The following NOS1AP variants were observed in gnomAD, a reference collection of about 807,000 sequenced individuals.
The protein encoded by NOS1AP is nitric oxide synthase 1 adaptor protein, also known as carboxyl-terminal PDZ ligand of neuronal nitric oxide synthase protein.
In NOS1AP, 21 loss-of-function variants were observed where a neutral mutation model predicts 56.2. The observed-to-expected ratio is 0.37, with a 90% CI of 0.26 to 0.54. The LOEUF (loss-of-function observed/expected upper bound fraction) is 0.54, where lower values mean the gene tolerates loss of function less well. Ranked by LOEUF, NOS1AP falls within the 20% of genes least tolerant of loss-of-function variation. The probability of loss-of-function intolerance (pLI) is 0.84; values close to 1 mark genes in which losing one functional copy is unlikely to be tolerated. For missense variants in NOS1AP, 522 were observed against 657.8 expected (o/e 0.79, Z 2.26); for synonymous variants, 270 against 274.6 (o/e 0.98, Z 0.17).
chr1:162,287,281 G>T, intron 2 of NOS1AP, 63 bp from the exon 3 acceptor site: 1 of 1,193,368 alleles, frequency 8.4e-7, no homozygotes, highest in Non-Finnish European at 1.3e-6. Context: ...GGCTAGCTGG[G>T]TCTGTATAGA....
intron 1 of NOS1AP, among the ~76,000 whole-genome samples, chr1:162,079,292 A>G (rs1424261403): frequency 1.3e-5 from 2 of 152,232 alleles, no homozygotes; most frequent in African/African-American, 4.8e-5. Context: ...ATCTGAATAT[A>G]GAACATATGG....
intron 2 of NOS1AP, among the ~76,000 whole-genome samples, chr1:162,279,391 C>T (rs1654845356): frequency 6.6e-6 from 1 of 152,206 alleles, no homozygotes; most frequent in Non-Finnish European, 1.5e-5. Context: ...GCCTTCCATG[C>T]CAGGGCCTGT....
intron 2 of NOS1AP, among the ~76,000 whole-genome samples, chr1:162,177,868 T>C (rs1220293724): frequency 1.3e-5 from 2 of 152,312 alleles, no homozygotes; most frequent in East Asian, 1.9e-4. Context: ...GAGTTCATAA[T>C]TGACATGAGG....
intron 3 of NOS1AP, among the ~76,000 whole-genome samples, chr1:162,299,706 C>T (rs1655579491): frequency 6.6e-6 from 1 of 152,128 alleles, no homozygotes; most frequent in African/African-American, 2.4e-5. Context: ...TAAAATCCAC[C>T]TCTATGGATC....
At chr1:162,228,045 T>C (rs1652997417) in intron 2 of NOS1AP, among the ~76,000 whole-genome samples, 2 of 152,148 alleles carry the variant, frequency 1.3e-5, no homozygotes, top group Admixed American at 6.5e-5. Context: ...ATGAAAAATA[T>C]AGGACTGAGG....
chr1:162,285,635 C>A (rs1655066337), intron 2 of NOS1AP, among the ~76,000 whole-genome samples: 1 of 152,146 alleles, frequency 6.6e-6, no homozygotes, highest in Non-Finnish European at 1.5e-5. Context: ...TGCGCCTCTT[C>A]TTCTCTGTCT....
At chr1:162,365,252 C>G in intron 8 of NOS1AP, 152 bp from the exon 9 acceptor site, 2 of 1,495,026 alleles carry the variant, frequency 1.3e-6, no homozygotes, top group Non-Finnish European at 1.8e-6. Context: ...GAATGATAAG[C>G]CCAGATGCCC....
chr1:162,236,099 G>A (rs6676543), intron 2 of NOS1AP, among the ~76,000 whole-genome samples: 2,556 of 152,254 alleles, frequency 0.017, 66 homozygotes, highest in African/African-American at 0.057. Flanking sequence ...TCATTCATTC[G>A]TTCCACAGAT....
chr1:162,290,460 C>T (rs1281852851), intron 3 of NOS1AP, among the ~76,000 whole-genome samples: 1 of 152,206 alleles, frequency 6.6e-6, no homozygotes. Context: ...CTTTCTCTCT[C>T]TGCTTATAGA....
chr1:162,226,272 AAAAAGAAAAG>A (rs549484037), intron 2 of NOS1AP, among the ~76,000 whole-genome samples: 13 of 152,244 alleles, frequency 8.5e-5, no homozygotes, highest in East Asian at 7.7e-4. Flanking sequence ...CAGCCTCCAA[AAAAAGAAAAG>A]AAAAGAAAAG....
rs1156986840 is a variant in NOS1AP, at chr1:162,370,052, G to T, written c.*2585G>T. 1 of 152,198 alleles carries T rather than the reference G, an allele frequency of 6.6e-6. No individual in the cohort carries two copies. The highest frequency in any genetic ancestry group is 2.4e-5 in the African/African-American group (1 of 41,422). The allele number at this position is 152,198 out of a possible 1,614,324, so 9.4% of individuals were successfully genotyped here. On this transcript the variant is annotated 3_prime_UTR_variant, in exon 10 of 10. Coordinates refer to ENST00000361897, the MANE Select transcript of NOS1AP (RefSeq NM_014697.3). ...TATGGAGGACAAATGGACACCAGGGGTGCTAACCTTATTGGTGCCTGCCCC... is the reference window on the plus strand; with the variant it reads ...TATGGAGGACAAATGGACACCAGGGTTGCTAACCTTATTGGTGCCTGCCCC...
At chr1:162,168,554 C>T (rs1650613461) in intron 2 of NOS1AP, among the ~76,000 whole-genome samples, 1 of 152,178 alleles carries the variant, frequency 6.6e-6, no homozygotes, top group Non-Finnish European at 1.5e-5. Context: ...GCAAGGGTTG[C>T]CTGCTCACTT....
intron 2 of NOS1AP, among the ~76,000 whole-genome samples, chr1:162,252,833 G>T (rs1436504867): frequency 6.6e-6 from 1 of 151,958 alleles, no homozygotes; most frequent in Non-Finnish European, 1.5e-5. Flanking sequence ...CAGTTTTTTG[G>T]TTGCACTTGC....
At chr1:162,151,005 C>T (rs1314739026) in intron 1 of NOS1AP, among the ~76,000 whole-genome samples, 2 of 152,180 alleles carry the variant, frequency 1.3e-5, no homozygotes, top group African/African-American at 2.4e-5. Context: ...GTTGCCTGTG[C>T]TCATGGGGTA....
At chr1:162,070,392 T>G (rs890307642) in intron 1 of NOS1AP, 110 bp downstream of exon 1, 2 of 852,252 alleles carry the variant, frequency 2.3e-6, no homozygotes, top group East Asian at 2.7e-5. Context: ...CTAGGCCGAT[T>G]TGGGGGCCTT....
intron 1 of NOS1AP, among the ~76,000 whole-genome samples, chr1:162,109,954 C>T (rs1385566635): frequency 6.6e-6 from 1 of 152,210 alleles, no homozygotes; most frequent in Non-Finnish European, 1.5e-5. Context: ...TTCCAGCCAA[C>T]TGCAGACTGC....
At chr1:162,269,709 C>G (rs1206626875) in intron 2 of NOS1AP, among the ~76,000 whole-genome samples, 1 of 151,830 alleles carries the variant, frequency 6.6e-6, no homozygotes, top group Non-Finnish European at 1.5e-5. Flanking sequence ...ATGATTGCTA[C>G]AAAACAAGGT....
At chr1:162,099,042 C>T (rs1022744972) in intron 1 of NOS1AP, among the ~76,000 whole-genome samples, 1 of 152,146 alleles carries the variant, frequency 6.6e-6, no homozygotes, top group Non-Finnish European at 1.5e-5. Flanking sequence ...AATGGGATTG[C>T]TGGGTTGAAT....
chr1:162,343,780 C>A (rs1657183911), intron 5 of NOS1AP, 55 bp from the exon 6 acceptor site: 10 of 1,602,012 alleles, frequency 6.2e-6, no homozygotes, highest in Non-Finnish European at 8.6e-6. Context: ...AGTTTCTATC[C>A]ACATGCCCCT....
Sources: allele counts gnomAD v4.1 joint callset (sites outside exome capture counted in the v4.1 genomes callset), GRCh38; gene constraint gnomAD v4.1.1; transcripts MANE v1.5; gene names NCBI Gene and HGNC (gene_info 2026-07-23, HGNC 2026-07-21).